SCIN: variants seen among roughly 807,000 people sequenced by gnomAD.
SCIN encodes scinderin, also known as adseverin.
In SCIN, 91 loss-of-function variants were observed where a neutral mutation model predicts 91.8. The ratio of observed to expected loss-of-function variants is 0.99; its 90% confidence interval spans 0.84 to 1.18. The LOEUF is 1.18. Ranked by LOEUF, SCIN falls within the 50% of genes most tolerant of loss-of-function variation. The pLI is 0.00. For synonymous variants in SCIN, 367 were observed against 312.6 expected, an observed-to-expected ratio of 1.17 and a Z score of -1.84; for missense variants, 1,087 against 863.9, an observed-to-expected ratio of 1.26 and a Z score of -3.24.
chr7:12,610,169 C>A (rs1156624883), intron 4 of SCIN, among the ~76,000 whole-genome samples: 1 of 152,196 alleles, frequency 6.6e-6, no homozygotes, highest in Non-Finnish European at 1.5e-5. Context: ...TCCAAAGGTT[C>A]TCCCAAAATA....
intron 1 of SCIN, among the ~76,000 whole-genome samples, chr7:12,572,007 G>C (rs11975856): frequency 6.6e-6 from 1 of 152,112 alleles, no homozygotes; most frequent in South Asian, 2.1e-4. Context: ...TTATCCCTGA[G>C]CTTAGGAGGA....
At chr7:12,587,932 C>G (rs951361259) in intron 3 of SCIN, among the ~76,000 whole-genome samples, 1 of 152,174 alleles carries the variant, frequency 6.6e-6, no homozygotes, top group African/African-American at 2.4e-5. Flanking sequence ...GCTTAAGATG[C>G]AAAACCAGCT....
intron 4 of SCIN, among the ~76,000 whole-genome samples, chr7:12,619,997 T>C (rs914312158): frequency 1.3e-5 from 2 of 152,016 alleles, no homozygotes; most frequent in African/African-American, 4.8e-5. Flanking sequence ...AATTTAAAAA[T>C]AAATTTTAAA....
At chr7:12,637,987 A>C (rs540964526) in intron 10 of SCIN, among the ~76,000 whole-genome samples, 1 of 152,302 alleles carries the variant, frequency 6.6e-6, no homozygotes, top group South Asian at 2.1e-4. Flanking sequence ...ACTGTGTCTA[A>C]GAGACTGCTG....
At chr7:12,577,115 T>A (rs1782388891) in intron 1 of SCIN, among the ~76,000 whole-genome samples, 1 of 152,190 alleles carries the variant, frequency 6.6e-6, no homozygotes, top group African/African-American at 2.4e-5. Context: ...ATGTATGTTG[T>A]ATGTAAAATA....
At chr7:12,587,641 C>A (rs931647513) in intron 3 of SCIN, among the ~76,000 whole-genome samples, 2 of 152,168 alleles carry the variant, frequency 1.3e-5, no homozygotes, top group African/African-American at 2.4e-5. Flanking sequence ...ACACGGTATC[C>A]TCATCGTACC....
intron 8 of SCIN, 33 bp from the exon 9 acceptor site, chr7:12,629,068 T>C: frequency 6.5e-7 from 1 of 1,540,908 alleles, no homozygotes; most frequent in South Asian, 1.3e-5. Context: ...TCAAGAAAAT[T>C]GTAATTTGTT....
chr7:12,645,738 T>C (rs967729013), intron 13 of SCIN, among the ~76,000 whole-genome samples: 2 of 152,328 alleles, frequency 1.3e-5, no homozygotes, highest in East Asian at 3.9e-4. Context: ...AGTGAGAACC[T>C]GCAGTATTTG....
chr7:12,606,572 C>T (rs1220123172), intron 4 of SCIN, among the ~76,000 whole-genome samples: 2 of 152,178 alleles, frequency 1.3e-5, no homozygotes, highest in African/African-American at 4.8e-5. Context: ...GGAAAATTCT[C>T]ATGGTATAAT....
chr7:12,596,463 A>G, intron 3 of SCIN: 1 of 456,214 alleles, frequency 2.2e-6, no homozygotes, highest in Non-Finnish European at 4.4e-6. Context: ...TTCTGGTGCC[A>G]GCTGCCAATT....
intron 3 of SCIN, among the ~76,000 whole-genome samples, chr7:12,594,998 G>A (rs1782809621): frequency 6.6e-6 from 1 of 152,134 alleles, no homozygotes; most frequent in Non-Finnish European, 1.5e-5. Flanking sequence ...GTCTTTAGCA[G>A]GTTCGGGAAG....
Position 12,581,143 on chromosome 7 carries a change from A to T in SCIN, c.438A>T (p.Arg146Ser). ...GGCTCCTACATGTGAAGGGTCGTAGAGTGGTGAGAGCCACAGAAGTTCCCC... is the reference window on the plus strand; with the variant it reads ...GGCTCCTACATGTGAAGGGTCGTAGTGTGGTGAGAGCCACAGAAGTTCCCC... ...AKRLLHVKGRRVVRATEVPLS... is the reference protein window; with the variant it reads ...AKRLLHVKGRSVVRATEVPLS... Residue 146 changes from arginine (R) to serine (S), a missense_variant, in exon 3 of 16, where the codon AGA becomes AGT. Coordinates refer to ENST00000297029, the MANE Select transcript of SCIN (RefSeq NM_001112706.3). 1 of 1,551,532 alleles carries T rather than the reference A, an allele frequency of 6.4e-7. No homozygotes were observed. Among genetic ancestry groups the T allele is most frequent in the Non-Finnish European group, 8.7e-7 (1 of 1,146,862 alleles).
At chr7:12,622,628 G>T (rs527662640) in intron 4 of SCIN, among the ~76,000 whole-genome samples, 173 bp from the exon 5 acceptor site, 2 of 152,216 alleles carry the variant, frequency 1.3e-5, no homozygotes, top group Admixed American at 1.3e-4. Context: ...GCAATTGATT[G>T]ATTTGGCCTA....
At chr7:12,584,674 G>T (rs1782552194) in intron 3 of SCIN, among the ~76,000 whole-genome samples, 1 of 152,026 alleles carries the variant, frequency 6.6e-6, no homozygotes, top group Non-Finnish European at 1.5e-5. Context: ...CATGAAATGT[G>T]GCCAGATCTT....
intron 3 of SCIN, among the ~76,000 whole-genome samples, chr7:12,587,882 C>T (rs1729500750): frequency 6.6e-6 from 1 of 152,112 alleles, no homozygotes; most frequent in South Asian, 2.1e-4. Flanking sequence ...TCTGTGTTTC[C>T]TGCAAGATAC....
At chr7:12,587,155 T>C (rs1359402026) in intron 3 of SCIN, among the ~76,000 whole-genome samples, 1 of 152,214 alleles carries the variant, frequency 6.6e-6, no homozygotes, top group Non-Finnish European at 1.5e-5. Flanking sequence ...GATTTGATCA[T>C]TACACACTTT....
rs1400765301 is a variant in SCIN at position 12,622,807 on chromosome 7, G to T, written c.673G>T (p.Gly225Trp). 6.2e-7 allele frequency: 1 copy of T among 1,612,392 alleles called. No homozygotes were observed. Among genetic ancestry groups the T allele is most frequent in the Non-Finnish European group, 8.5e-7 (1 of 1,178,908 alleles). Reference sequence around the variant, plus strand: ...ACTGCTCACTTTTTTCCAGGTCTTAGGGGAAAAGCCAGAGCTTCCAGATGG... The same window carrying T: ...ACTGCTCACTTTTTTCCAGGTCTTATGGGAAAAGCCAGAGCTTCCAGATGG... ...SEPSELIKVLGEKPELPDGGD... is the reference protein window; with the variant it reads ...SEPSELIKVLWEKPELPDGGD... Residue 225 changes from glycine to tryptophan, a missense_variant, in exon 5 of 16, where the codon GGG becomes TGG. Gly to Trp is a radical substitution (Grantham distance 184). Transcript: ENST00000297029.
intron 11 of SCIN, among the ~76,000 whole-genome samples, chr7:12,642,945 G>A (rs1484045912): frequency 6.6e-6 from 1 of 152,058 alleles, no homozygotes; most frequent in Admixed American, 6.6e-5. Context: ...ATCTCATCCA[G>A]AACCTTCTGT....
chr7:12,599,015 A>AT (rs1393514460), intron 3 of SCIN, among the ~76,000 whole-genome samples: 1 of 152,210 alleles, frequency 6.6e-6, no homozygotes, highest in African/African-American at 2.4e-5. Context: ...ATTTTATTAA[A>AT]TTTTTTATAT....
Sources: gnomAD v4.1 joint callset for allele counts (sites outside exome capture counted in the v4.1 genomes callset) on GRCh38, gnomAD v4.1.1 for gene constraint, MANE v1.5 for transcripts, NCBI Gene and HGNC (gene_info 2026-07-23, HGNC 2026-07-21) for gene names.